NLRP5: variants seen among roughly 807,000 people sequenced by gnomAD.
NLRP5 encodes the protein NLR family pyrin domain containing 5.
A neutral mutation model predicts 113.1 loss-of-function variants in NLRP5; 93 were observed. The ratio of observed to expected loss-of-function variants is 0.82; its 90% CI spans 0.70 to 0.98. The LOEUF (loss-of-function observed/expected upper bound fraction) is 0.98. Among genes scored for constraint, NLRP5 ranks in the 50% least tolerant of loss-of-function variants. The pLI is 0.00. For synonymous variants in NLRP5, 751 were observed against 600.7 expected, an observed-to-expected ratio of 1.25 and a Z score of -3.66; for missense variants, 1,808 against 1,514.3, an observed-to-expected ratio of 1.19 and a Z score of -3.22.
the NLRP5 span, chr19:55,987,789 G>A: frequency 1.3e-6 from 2 of 1,560,480 alleles, no homozygotes; most frequent in Non-Finnish European, 8.8e-7. Context: ...ACCTCAACCA[G>A]CAGCCTTCCT....
chr19:56,047,582 CTG>C (rs1983775596), intron 11 of NLRP5, among the ~76,000 whole-genome samples: 2 of 152,122 alleles, frequency 1.3e-5, no homozygotes, highest in Admixed American at 1.3e-4. Flanking sequence ...CCACTGTGGT[CTG>C]AGAGAGTGCT....
chr19:56,041,068 C>T lies in NLRP5; in HGVS notation c.2933C>T (p.Pro978Leu). Reference sequence around the variant, plus strand: ...CTACTGTGTCGATCCATGAGGCTTCCCCACTGTAGTCTGCAGAGGCTGATG... The same window carrying T: ...CTACTGTGTCGATCCATGAGGCTTCTCCACTGTAGTCTGCAGAGGCTGATG... The change falls in exon 11 of 15, where the codon CCC becomes CTC. Residue 978 changes from proline to leucine, a missense_variant. Physicochemically the swap from Pro to Leu is moderately conservative, Grantham distance 98 (BLOSUM62 -3). Coordinates refer to ENST00000390649, the MANE Select transcript of NLRP5 (RefSeq NM_153447.4). 6.2e-7 allele frequency: 1 copy of T among 1,613,926 alleles called. No individual in the cohort carries two copies. The highest frequency in any genetic ancestry group is 8.5e-7 in the Non-Finnish European group (1 of 1,179,870).
intron 1 of NLRP5, among the ~76,000 whole-genome samples, chr19:56,000,565 C>T (rs1037254664): frequency 1.3e-5 from 2 of 151,610 alleles, no homozygotes; most frequent in African/African-American, 2.4e-5. Flanking sequence ...GGGGTTTCAC[C>T]GTGTTAGCCA....
At chr19:56,024,481 G>A (rs1336927877) in intron 6 of NLRP5, among the ~76,000 whole-genome samples, 7 of 144,596 alleles carry the variant, frequency 4.8e-5, no homozygotes, top group Non-Finnish European at 9.0e-5. Context: ...GTGTGTATAC[G>A]TACATGCGTA....
Position 56,001,335 on chromosome 19 carries a change from A to C in NLRP5, c.62+1548A>C, listed in dbSNP as rs1210614927. 1.4e-4 allele frequency among the ~76,000 whole-genome samples: 14 copies of C among 97,542 alleles called. 1 individual carries two copies. Among genetic ancestry groups the C allele is most frequent in the East Asian group, 8.8e-4 (3 of 3,414 alleles). The allele number at this position is 97,542 out of a possible 152,430, so 64.0% of individuals were successfully genotyped here. A position where few individuals can be genotyped will look rare whatever the true frequency, so the allele number is the denominator to read the frequency against. ...AAGACTCAGTCATTTAAAAAAAAAA[A>C]CAAACAAAAAACACCACAGCTTATT... On this transcript the variant is annotated intron_variant, in intron 1 of 14. Transcript: ENST00000390649.
chr19:56,037,693 CAAAAAAAA>C (rs11301032), intron 9 of NLRP5, among the ~76,000 whole-genome samples: 2 of 87,724 alleles, frequency 2.3e-5, no homozygotes, highest in Non-Finnish European at 2.3e-5. Flanking sequence ...GACCCTGTCT[CAAAAAAAA>C]AAAAAAAAAA....
chr19:55,997,306 A>G (rs1981356866), upstream of NLRP5, among the ~76,000 whole-genome samples: 1 of 152,014 alleles, frequency 6.6e-6, no homozygotes, highest in Admixed American at 6.6e-5. Context: ...GATGAATCCC[A>G]CTTCATCATG....
intron 12 of NLRP5, among the ~76,000 whole-genome samples, chr19:56,053,188 G>A (rs1238153782): frequency 6.6e-6 from 1 of 152,012 alleles, no homozygotes; most frequent in Non-Finnish European, 1.5e-5. Flanking sequence ...CTGAGGTCAG[G>A]AGTTTGAGAC....
At chr19:56,001,333 A>C (rs548428919) in intron 1 of NLRP5, among the ~76,000 whole-genome samples, 60 of 138,060 alleles carry the variant, frequency 4.3e-4, no homozygotes, top group South Asian at 6.5e-4. Context: ...TTAAAAAAAA[A>C]AACAAACAAA....
At chr19:55,999,695 A>G, upstream of NLRP5, 2 of 1,543,786 alleles carry the variant, frequency 1.3e-6, no homozygotes, top group Non-Finnish European at 1.8e-6. Flanking sequence ...CCAGCCTTCG[A>G]TGTTCAGTTA....
chr19:56,053,531 C>A, intron 12 of NLRP5, 107 bp from the exon 13 acceptor site: 1 of 976,324 alleles, frequency 1.0e-6, no homozygotes. Context: ...AAACAGTGGC[C>A]CGTCAGGAAG....
At chr19:56,000,400 T>G (rs2123262208) in intron 1 of NLRP5, among the ~76,000 whole-genome samples, 1 of 152,218 alleles carries the variant, frequency 6.6e-6, no homozygotes, top group East Asian at 1.9e-4. Flanking sequence ...AGTCTCATTC[T>G]GTCACCCAGG....
chr19:55,996,894 C>A (rs542443600), upstream of NLRP5, among the ~76,000 whole-genome samples: 2 of 152,276 alleles, frequency 1.3e-5, no homozygotes, highest in African/African-American at 4.8e-5. Flanking sequence ...AGTTCTAGAT[C>A]CCTGAGGAAT....
At chr19:56,029,265 T>A (rs1016197478) in intron 7 of NLRP5, among the ~76,000 whole-genome samples, 2 of 152,006 alleles carry the variant, frequency 1.3e-5, no homozygotes, top group Non-Finnish European at 2.9e-5. Flanking sequence ...TTCAACTCAT[T>A]TGTATTTTTT....
At chr19:56,013,666 G>A (rs1307683456) in intron 3 of NLRP5, among the ~76,000 whole-genome samples, 1 of 126,190 alleles carries the variant, frequency 7.9e-6, no homozygotes, top group Non-Finnish European at 1.6e-5. Flanking sequence ...TGTTTGTGTA[G>A]ATGTGTTTTT....
chr19:56,016,811 T>C (rs1982419987), intron 4 of NLRP5, among the ~76,000 whole-genome samples: 1 of 152,168 alleles, frequency 6.6e-6, no homozygotes, highest in African/African-American at 2.4e-5. Context: ...CCATTGTGTA[T>C]ATACACCACA....
chr19:55,999,681 G>A, upstream of NLRP5: 1 of 1,433,390 alleles, frequency 7.0e-7, no homozygotes, highest in East Asian at 2.3e-5. Context: ...TTCCAGAGGA[G>A]AGCCCAGCCT....
chr19:56,028,090 G>A lies in NLRP5; in HGVS notation c.1857G>A (p.Met619Ile), dbSNP rs1310615976. The change falls in exon 7 of 15, where the codon ATG becomes ATA. Residue 619 changes from methionine to isoleucine, a missense_variant. Met to Ile is a conservative substitution (Grantham distance 10). Transcript: ENST00000390649. ...ACGTTGAGAAGACAAAGAGGTCCAT[G>A]GAGCTTAAACAGGCAGGCTTCCATA... 1.2e-6 allele frequency: 2 copies of A among 1,613,914 alleles called. No homozygotes were observed. Among genetic ancestry groups the A allele is most frequent in the Admixed American group, 1.7e-5 (1 of 60,004 alleles).
chr19:56,001,252 G>C (rs1272345931), intron 1 of NLRP5, among the ~76,000 whole-genome samples: 1 of 147,588 alleles, frequency 6.8e-6, no homozygotes, highest in Non-Finnish European at 1.5e-5. Flanking sequence ...TTCAGCCCAG[G>C]AGTTCGAGGC....
Sources: allele counts gnomAD v4.1 joint callset (sites outside exome capture counted in the v4.1 genomes callset), GRCh38; gene constraint gnomAD v4.1.1; transcripts MANE v1.5; gene names NCBI Gene and HGNC (gene_info 2026-07-23, HGNC 2026-07-21).